The following VPS13B variants were observed in gnomAD, a reference collection of about 807,000 sequenced individuals.
VPS13B encodes intermembrane lipid transfer protein VPS13B.
Under a neutral mutation model 426.4 loss-of-function variants are expected in VPS13B, and 285 were observed. The ratio of observed to expected loss-of-function variants is 0.67; its 90% confidence interval spans 0.61 to 0.74. The LOEUF (loss-of-function observed/expected upper bound fraction) is 0.74. VPS13B is among the 30% of genes least tolerant of loss of function. The probability of loss-of-function intolerance (pLI) is 0.00; values close to 1 mark genes in which losing one functional copy is unlikely to be tolerated. For synonymous variants in VPS13B, 1,676 were observed against 1,676.4 expected (o/e 1.00, Z 0.01); for missense variants, 4,537 against 4,782.6 (o/e 0.95, Z 1.51).
At chr8:99,179,565 T>C (rs555422363) in intron 16 of VPS13B, among the ~76,000 whole-genome samples, 3 of 152,350 alleles carry the variant, frequency 2.0e-5, no homozygotes, top group East Asian at 1.9e-4. Context: ...CTCCAGTTGA[T>C]ACTTTTTCTG....
chr8:99,205,272 C>T (rs1241188751), intron 17 of VPS13B, among the ~76,000 whole-genome samples: 2 of 152,120 alleles, frequency 1.3e-5, no homozygotes, highest in Non-Finnish European at 1.5e-5. Flanking sequence ...CCAAACACCA[C>T]GTGTTCTCAC....
intron 17 of VPS13B, among the ~76,000 whole-genome samples, chr8:99,219,396 A>C (rs762147726): frequency 2.6e-5 from 4 of 152,238 alleles, no homozygotes; most frequent in Non-Finnish European, 5.9e-5. Context: ...AGGCCCCATT[A>C]GGCCTGCAGC....
At chr8:99,556,177 T>C (rs1377367452) in intron 30 of VPS13B, among the ~76,000 whole-genome samples, 1 of 152,080 alleles carries the variant, frequency 6.6e-6, no homozygotes, top group Non-Finnish European at 1.5e-5. Context: ...ATCATGTATG[T>C]GAGAGTACTT....
At chr8:99,281,751 G>A (rs1009401352) in intron 19 of VPS13B, among the ~76,000 whole-genome samples, 20 of 152,290 alleles carry the variant, frequency 1.3e-4, no homozygotes, top group African/African-American at 4.6e-4. Context: ...GACAATTCTT[G>A]ACACCAGAAC....
intron 21 of VPS13B, among the ~76,000 whole-genome samples, chr8:99,429,284 CAA>C (rs200181502): frequency 1.6e-3 from 176 of 109,274 alleles, no homozygotes; most frequent in African/African-American, 4.9e-3. Flanking sequence ...GTATAATAAC[CAA>C]AAAAAAAAAA....
chr8:99,501,983 G>A, intron 26 of VPS13B, 125 bp downstream of exon 26: 1 of 1,150,524 alleles, frequency 8.7e-7, no homozygotes, highest in Non-Finnish European at 1.2e-6. Context: ...CTTTCCGTCT[G>A]TCTGTCTGTC....
At chr8:99,116,460 G>T (rs73281672) in intron 7 of VPS13B, among the ~76,000 whole-genome samples, 2,531 of 152,172 alleles carry the variant, frequency 0.017, 65 homozygotes, top group African/African-American at 0.058. Flanking sequence ...ATGAATGAGG[G>T]TTTTGCTCTG....
intron 34 of VPS13B, among the ~76,000 whole-genome samples, chr8:99,647,990 C>T (rs1829660941): frequency 6.6e-6 from 1 of 152,156 alleles, no homozygotes. Flanking sequence ...GTGTAATATA[C>T]CAAGGTGACT....
Position 99,013,861 on chromosome 8 carries a change from G to T in VPS13B, c.73G>T (p.Asp25Tyr), listed in dbSNP as rs1841449150. The change falls in exon 2 of 62, where the codon GAT (aspartate) becomes TAT (tyrosine). Residue 25 changes from aspartate to tyrosine, a missense_variant. This residue lies in a region of VPS13B where 226 missense variants were observed against 308.3 expected (regional missense o/e 0.73). Transcript: ENST00000357162. ...CTACATCAAGAACTTAAAGCCGTCG[G>T]ATCTACAGCTTTCACTATGGGGTGG... ...NRYIKNLKPSDLQLSLWGGDV... is the reference protein window; with the variant it reads ...NRYIKNLKPSYLQLSLWGGDV... 1.2e-6 allele frequency: 2 copies of T among 1,614,176 alleles called. No homozygotes were observed. Among genetic ancestry groups the T allele is most frequent in the Non-Finnish European group, 1.7e-6 (2 of 1,180,040 alleles).
intron 30 of VPS13B, among the ~76,000 whole-genome samples, chr8:99,540,119 G>A (rs1240806538): frequency 8.5e-5 from 9 of 105,318 alleles, no homozygotes; most frequent in Admixed American, 2.6e-4. Flanking sequence ...TCACTTTGTC[G>A]CCCAGGCTAG....
chr8:99,381,532 A>T (rs1051140373), intron 19 of VPS13B, among the ~76,000 whole-genome samples: 3 of 152,196 alleles, frequency 2.0e-5, no homozygotes, highest in Non-Finnish European at 2.9e-5. Context: ...ACAGTGTATA[A>T]GTATTGCCTT....
intron 51 of VPS13B, among the ~76,000 whole-genome samples, chr8:99,828,420 T>TGC (rs1814849097): frequency 8.4e-6 from 1 of 119,418 alleles, no homozygotes; most frequent in Admixed American, 8.4e-5. Flanking sequence ...TTTTTTTTTT[T>TGC]TTTTTTTTTT....
intron 2 of VPS13B, among the ~76,000 whole-genome samples, chr8:99,028,660 A>C (rs1162429137): frequency 1.3e-5 from 1 of 76,696 alleles, no homozygotes; most frequent in East Asian, 4.8e-4. Context: ...GTGGCTGGCC[A>C]GGTGGGGGGC....
intron 3 of VPS13B, among the ~76,000 whole-genome samples, chr8:99,055,900 ATTT>A (rs71273158): frequency 2.9e-4 from 31 of 107,806 alleles, no homozygotes; most frequent in Admixed American, 1.9e-4. Flanking sequence ...TGGCTAATTA[ATTT>A]TTTTTTTTTT....
chr8:99,475,914 C>G (rs887402919), intron 24 of VPS13B, among the ~76,000 whole-genome samples: 10 of 152,222 alleles, frequency 6.6e-5, no homozygotes, highest in Middle Eastern at 3.2e-3. Flanking sequence ...ACTCTTATCT[C>G]TTTATGTAAT....
intron 4 of VPS13B, among the ~76,000 whole-genome samples, chr8:99,101,747 C>T (rs1359154473): frequency 6.6e-6 from 1 of 152,150 alleles, no homozygotes; most frequent in Non-Finnish European, 1.5e-5. Flanking sequence ...GTTTTGCACA[C>T]GTTATGGTTG....
At chr8:99,665,556 C>T (rs1220640933) in intron 35 of VPS13B, among the ~76,000 whole-genome samples, 1 of 152,164 alleles carries the variant, frequency 6.6e-6, no homozygotes, top group African/African-American at 2.4e-5. Context: ...GTTTTCCCAG[C>T]ACCATTTATT....
chr8:99,392,052 G>A (rs76905117), intron 21 of VPS13B, among the ~76,000 whole-genome samples: 8,250 of 152,250 alleles, frequency 0.054, 258 homozygotes, highest in African/African-American at 0.088. Context: ...ACAGAAGCAG[G>A]ATCGTATTTC....
intron 43 of VPS13B, among the ~76,000 whole-genome samples, chr8:99,806,914 A>AC (rs1813430423): frequency 6.6e-6 from 1 of 152,152 alleles, no homozygotes; most frequent in African/African-American, 2.4e-5. Flanking sequence ...GGGTGATTAC[A>AC]CCATGGGAAG....
Sources: allele counts gnomAD v4.1 joint callset (sites outside exome capture counted in the v4.1 genomes callset), GRCh38; gene constraint gnomAD v4.1.1; regional missense constraint gnomAD v4.1.1; transcripts MANE v1.5; gene names NCBI Gene and HGNC (gene_info 2026-07-23, HGNC 2026-07-21).